The following DMD variants were observed in gnomAD, a reference collection of about 807,000 sequenced individuals.
DMD encodes the protein dystrophin, also known as mutant dystrophin.
A neutral mutation model predicts 330.1 loss-of-function variants in DMD; 63 were observed. That is an observed-to-expected ratio of 0.19 (90% CI 0.16 to 0.24). The LOEUF (loss-of-function observed/expected upper bound fraction) is 0.24, where lower values mean the gene tolerates loss of function less well. Among genes scored for constraint, DMD ranks in the 10% least tolerant of loss-of-function variants. The probability of loss-of-function intolerance (pLI) is 1.00; values close to 1 mark genes in which losing one functional copy is unlikely to be tolerated. For missense variants in DMD, 3,344 were observed against 2,684.1 expected (o/e 1.25, Z -5.43); for synonymous variants, 1,223 against 959.8 (o/e 1.27, Z -5.07).
chrX:32,565,154 G>A (rs769852440), intron 16 of DMD, among the ~76,000 whole-genome samples: 2 of 111,135 alleles, frequency 1.8e-5, no homozygotes, highest in Admixed American at 9.6e-5. Flanking sequence ...GCCCGTATGT[G>A]TTAGTATAAC....
chrX:32,685,387 G>A (rs2062781727), intron 9 of DMD, among the ~76,000 whole-genome samples: 1 of 111,401 alleles, frequency 9.0e-6, no homozygotes, highest in Admixed American at 9.6e-5. Context: ...AATTGCCACT[G>A]GATTTAGCAA....
intron 63 of DMD, among the ~76,000 whole-genome samples, chrX:31,225,768 G>A (rs951453130): frequency 2.7e-5 from 3 of 111,725 alleles, no homozygotes; most frequent in Non-Finnish European, 5.6e-5. Flanking sequence ...GATGCTGCTG[G>A]TCCAGGGACC....
At chrX:33,265,102 T>C (rs1163829440) in intron 1 of DMD, among the ~76,000 whole-genome samples, 1 of 110,876 alleles carries the variant, frequency 9.0e-6, no homozygotes. Context: ...TTCTAGTCAC[T>C]TGAAATATTA....
At chrX:31,609,384 A>G (rs897050325) in intron 55 of DMD, among the ~76,000 whole-genome samples, 10 of 112,099 alleles carry the variant, frequency 8.9e-5, no homozygotes, top group Non-Finnish European at 1.7e-4. Context: ...TTTCCAATAC[A>G]ATATGCAAGA....
chrX:31,497,694 CAAAT>C (rs1476360692), intron 56 of DMD, among the ~76,000 whole-genome samples: 2 of 112,062 alleles, frequency 1.8e-5, no homozygotes, highest in African/African-American at 3.2e-5. Flanking sequence ...TAAGAATACA[CAAAT>C]GAATGATCTG....
chrX:33,290,396 C>T (rs1207902424), intron 1 of DMD, among the ~76,000 whole-genome samples: 1 of 111,016 alleles, frequency 9.0e-6, no homozygotes, highest in East Asian at 2.8e-4. Context: ...GATGTTATTC[C>T]GTTTGACTAA....
rs762792085 is a variant in DMD, at chrX:32,673,358, A to G, written c.960+24512T>C. 8.1e-5 allele frequency among the ~76,000 whole-genome samples: 9 copies of G among 111,643 alleles called. No individual in the cohort carries two copies. In the East Asian group the frequency reaches 1.7e-3, roughly 21 times the overall value. ...ACTATTAGGAGATTTGATAGAAACA[A>G]AAATGTTGCCACCTACTGGCCTCTT... On this transcript the variant is annotated intron_variant, in intron 9 of 78. Coordinates refer to ENST00000357033, the MANE Select transcript of DMD (RefSeq NM_004006.3).
chrX:32,651,348 G>A (rs1348279756), intron 9 of DMD, among the ~76,000 whole-genome samples: 2 of 110,516 alleles, frequency 1.8e-5, no homozygotes, highest in Non-Finnish European at 3.8e-5. Flanking sequence ...TCAACACGTT[G>A]GCCAGGCTGG....
intron 62 of DMD, among the ~76,000 whole-genome samples, chrX:31,271,231 C>A (rs1028715339): frequency 1.8e-5 from 2 of 111,307 alleles, no homozygotes; most frequent in Non-Finnish European, 3.8e-5. Context: ...CAGTCTTGAA[C>A]ATAATGAATT....
At chrX:31,271,504 G>T (rs5972361) in intron 62 of DMD, among the ~76,000 whole-genome samples, 42,784 of 109,832 alleles carry the variant, frequency 0.39, 6,407 homozygotes, top group East Asian at 0.64. Flanking sequence ...GTGTAAAAAT[G>T]CAGAGTGGCA....
At chrX:31,784,356 C>A (rs2091183347) in intron 50 of DMD, among the ~76,000 whole-genome samples, 1 of 111,513 alleles carries the variant, frequency 9.0e-6, no homozygotes, top group South Asian at 3.7e-4. Context: ...CATGTGCTGG[C>A]AAGGATGTGG....
chrX:31,960,196 A>G (rs1302942929), intron 45 of DMD, among the ~76,000 whole-genome samples: 11 of 110,904 alleles, frequency 9.9e-5, no homozygotes, highest in Non-Finnish European at 2.1e-4. Flanking sequence ...CAATTTTAAT[A>G]ATAAGAATAA....
chrX:31,746,643 T>C (rs2087864865), intron 51 of DMD, among the ~76,000 whole-genome samples: 1 of 111,358 alleles, frequency 9.0e-6, no homozygotes, highest in African/African-American at 3.3e-5. Flanking sequence ...AGCCTTCTGA[T>C]TTTGCCAAAT....
chrX:31,224,862 A>C (rs1355476203), intron 63 of DMD, among the ~76,000 whole-genome samples: 1 of 112,039 alleles, frequency 8.9e-6, no homozygotes, highest in Non-Finnish European at 1.9e-5. Context: ...GAAAAACACT[A>C]AGCTGGGTAA....
intron 27 of DMD, among the ~76,000 whole-genome samples, chrX:32,447,621 A>G (rs1253729631): frequency 8.9e-6 from 1 of 111,759 alleles, no homozygotes; most frequent in Admixed American, 9.5e-5. Context: ...ATGTTTTTCA[A>G]AAGTAAAGAG....
At position 32,762,438 on chromosome X, in the gene DMD, C is replaced by G. The variant is rs201567720; in HGVS notation, c.649+47055G>C. On this transcript the variant is annotated intron_variant, in intron 7 of 78. Coordinates refer to ENST00000357033, the MANE Select transcript of DMD (RefSeq NM_004006.3). ...GACAAAGTCCTTGACACCAAACATT[C>G]TAGTAGGGGAAGCAGAGAAGAAATA... is the stretch of plus-strand genomic sequence containing the variant. Among the ~76,000 whole-genome samples, 6 of 111,527 alleles carry G rather than the reference C, an allele frequency of 5.4e-5. No homozygotes were observed. In the East Asian group the frequency reaches 1.7e-3, roughly 32 times the overall value.
intron 1 of DMD, among the ~76,000 whole-genome samples, chrX:33,216,624 A>AT (rs754435311): frequency 2.7e-5 from 3 of 112,347 alleles, no homozygotes; most frequent in Non-Finnish European, 5.6e-5. Flanking sequence ...TTTTGTTAAA[A>AT]TTTTAATGAA....
At chrX:31,317,843 C>A (rs909827330) in intron 62 of DMD, among the ~76,000 whole-genome samples, 1 of 111,804 alleles carries the variant, frequency 8.9e-6, no homozygotes, top group African/African-American at 3.3e-5. Flanking sequence ...ATATCATACT[C>A]CAGTTTCTTT....
chrX:33,192,672 T>C (rs1003348620), intron 1 of DMD, among the ~76,000 whole-genome samples: 14 of 112,136 alleles, frequency 1.2e-4, no homozygotes, highest in African/African-American at 4.5e-4. Context: ...AAACCCTCAA[T>C]TTAAATTCTG....
Sources: allele counts gnomAD v4.1 joint callset (sites outside exome capture counted in the v4.1 genomes callset), GRCh38; gene constraint gnomAD v4.1.1; transcripts MANE v1.5; gene names NCBI Gene and HGNC (gene_info 2026-07-23, HGNC 2026-07-21).